SLMAP: variants seen among roughly 807,000 people sequenced by gnomAD.
SLMAP encodes sarcolemmal membrane-associated protein.
A neutral mutation model predicts 128.8 loss-of-function variants in SLMAP; 44 were observed. The observed-to-expected ratio is 0.34, with a 90% CI of 0.27 to 0.44. The LOEUF is 0.44. Among genes scored for constraint, SLMAP ranks in the 20% least tolerant of loss-of-function variants. The pLI is 1.00. For synonymous variants in SLMAP, 327 were observed against 348.8 expected, an observed-to-expected ratio of 0.94 and a Z score of 0.70; for missense variants, 787 against 985.3, an observed-to-expected ratio of 0.80 and a Z score of 2.69.
At chr3:57,788,832 C>A (rs17058538) in intron 2 of SLMAP, among the ~76,000 whole-genome samples, 21,315 of 151,984 alleles carry the variant, frequency 0.14, 1,565 homozygotes, top group South Asian at 0.22. Flanking sequence ...GGAAGCTCGC[C>A]GGCAGTTGGT....
At chr3:57,808,001 G>A (rs2090217217) in intron 2 of SLMAP, among the ~76,000 whole-genome samples, 2 of 152,078 alleles carry the variant, frequency 1.3e-5, no homozygotes, top group African/African-American at 2.4e-5. Flanking sequence ...AGTCTTGGGA[G>A]GGTGTATGTG....
chr3:57,827,607 G>A (rs550620635), intron 2 of SLMAP, among the ~76,000 whole-genome samples: 1 of 152,338 alleles, frequency 6.6e-6, no homozygotes, highest in Non-Finnish European at 1.5e-5. Context: ...TTCACCTTAA[G>A]CCACACAGGG....
chr3:57,913,422 A>G (rs2096740180), intron 21 of SLMAP, 147 bp downstream of exon 21: 3 of 500,862 alleles, frequency 6.0e-6, no homozygotes, highest in Non-Finnish European at 1.1e-5. Context: ...GGTTAACCAT[A>G]CTGAATAAAT....
At chr3:57,762,669 G>A (rs189636504) in intron 2 of SLMAP, among the ~76,000 whole-genome samples, 11 of 151,248 alleles carry the variant, frequency 7.3e-5, no homozygotes, top group Admixed American at 5.3e-4. Flanking sequence ...CATCCTTTTC[G>A]GAAGTCAAGC....
Position 57,757,420 on chromosome 3 carries a change from C to T in SLMAP, c.-232C>T. ...TGGACTGAAAGCTGCCAGTTGGGGA[C>T]TTTTTGTGATCACGGCGTTGCAGCG... On this transcript the variant is annotated 5_prime_UTR_variant, in exon 2 of 25. Coordinates refer to ENST00000671191, the MANE Select transcript of SLMAP (RefSeq NM_001377540.1). The T allele has an allele frequency of 1.7e-6, 1 of 574,340 alleles. No individual in the cohort carries two copies. The highest frequency in any genetic ancestry group is 3.1e-6 in the Non-Finnish European group (1 of 321,168). 35.6% of individuals were successfully genotyped at this position (574,340 alleles called of 1,614,324 possible). A position where few individuals can be genotyped will look rare whatever the true frequency, so the allele number is the denominator to read the frequency against.
intron 2 of SLMAP, among the ~76,000 whole-genome samples, chr3:57,791,083 C>T (rs184879924): frequency 4.5e-4 from 68 of 152,090 alleles, no homozygotes; most frequent in African/African-American, 1.1e-3. Context: ...TGGATGGACG[C>T]GTTGGCTTAC....
At chr3:57,847,347 A>ACATATTTT in intron 5 of SLMAP, 114 bp downstream of exon 5, 1 of 738,970 alleles carries the variant, frequency 1.4e-6, no homozygotes, top group Admixed American at 2.2e-5. Flanking sequence ...CAAAATATGT[A>ACATATTTT]GAATGCATAT....
chr3:57,860,255 C>T (rs1172445257), intron 8 of SLMAP, among the ~76,000 whole-genome samples: 1 of 152,170 alleles, frequency 6.6e-6, no homozygotes. Flanking sequence ...CAAGATGTTT[C>T]AGGCTCATTT....
intron 2 of SLMAP, among the ~76,000 whole-genome samples, chr3:57,762,261 G>A (rs1164063044): frequency 1.3e-5 from 2 of 151,588 alleles, no homozygotes; most frequent in East Asian, 2.0e-4. Context: ...CCAGCTACTC[G>A]GGAAGGCTGA....
chr3:57,918,293 A>AGATT (rs1205683491), intron 22 of SLMAP: 2 of 152,170 alleles, frequency 1.3e-5, no homozygotes, highest in East Asian at 3.8e-4. Context: ...TGTGGTTGGA[A>AGATT]GATTATTCTG....
intron 14 of SLMAP, among the ~76,000 whole-genome samples, chr3:57,881,436 G>A (rs1174455946): frequency 6.6e-6 from 1 of 152,094 alleles, no homozygotes; most frequent in Non-Finnish European, 1.5e-5. Flanking sequence ...AGTGGTTACA[G>A]ACTGTTTTAA....
At chr3:57,850,784 C>G (rs778242531) in intron 6 of SLMAP, among the ~76,000 whole-genome samples, 1 of 152,138 alleles carries the variant, frequency 6.6e-6, no homozygotes, top group Non-Finnish European at 1.5e-5. Context: ...CAGGCATCCA[C>G]CACCCACAGC....
At chr3:57,869,660 A>ATATATATATATATATAAT (rs1553900183) in intron 13 of SLMAP, among the ~76,000 whole-genome samples, 6 of 81,366 alleles carry the variant, frequency 7.4e-5, no homozygotes, top group East Asian at 1.3e-3. Context: ...ATATATATAT[A>ATATATATATATATATAAT]ATATATATAA....
rs571086862 is a variant in SLMAP at position 57,848,989 on chromosome 3, G to A, written c.457-765G>A. ...CTCCCAAAGTGCTGGGATTACAGGC[G>A]TGAGCCACCGTACCTGGCCCTTCTT... On this transcript the variant is annotated intron_variant, in intron 5 of 24. Transcript: ENST00000671191. Among the ~76,000 whole-genome samples, 33 of 150,550 alleles carry A rather than the reference G, an allele frequency of 2.2e-4. 1 individual carries two copies. Among genetic ancestry groups the A allele is most frequent in the South Asian group, 1.1e-3 (5 of 4,760 alleles).
At chr3:57,920,314 G>T (rs1247566623) in intron 22 of SLMAP, among the ~76,000 whole-genome samples, 1 of 152,156 alleles carries the variant, frequency 6.6e-6, no homozygotes, top group Non-Finnish European at 1.5e-5. Context: ...ATCCAGGCTT[G>T]TTGTGGGAAT....
Position 57,864,865 on chromosome 3 carries a change from G to A in SLMAP, c.1186+8G>A. On this transcript the variant is annotated splice_region_variant and intron_variant, in intron 12 of 24. Transcript: ENST00000671191. Reference sequence around the variant, plus strand: ...AAGAATGCAGCAGCTTGGGTAGGTGGCATCCATATTTCTTACTTAAACCTG... The same window carrying A: ...AAGAATGCAGCAGCTTGGGTAGGTGACATCCATATTTCTTACTTAAACCTG... 3 of 1,560,256 alleles carry A rather than the reference G, an allele frequency of 1.9e-6. No homozygotes were observed. The highest frequency in any genetic ancestry group is 1.2e-5 in the South Asian group (1 of 85,194).
chr3:57,914,646 G>A (rs942794432), intron 21 of SLMAP, among the ~76,000 whole-genome samples: 7 of 151,572 alleles, frequency 4.6e-5, no homozygotes, highest in South Asian at 2.1e-4. Context: ...TCAGTGGCGC[G>A]ATCTCAGCTC....
chr3:57,858,297 G>A (rs917572029), intron 8 of SLMAP, 138 bp downstream of exon 8: 34 of 614,006 alleles, frequency 5.5e-5, no homozygotes, highest in Admixed American at 2.4e-4. Context: ...GCTGAGAAAC[G>A]TCAGACATCC....
intron 17 of SLMAP, among the ~76,000 whole-genome samples, chr3:57,906,332 T>TTTTTTTTTTTTTTTTTTTTTTTTTTTTTC (rs1491216777): frequency 2.2e-5 from 3 of 136,954 alleles, no homozygotes; most frequent in East Asian, 2.2e-4. Context: ...TTTTTTTTTT[T>TTTTTTTTTTTTTTTTTTTTTTTTTTTTTC]AGAGACACAG....
Sources: allele counts gnomAD v4.1 joint callset (sites outside exome capture counted in the v4.1 genomes callset), GRCh38; gene constraint gnomAD v4.1.1; transcripts MANE v1.5; gene names NCBI Gene and HGNC (gene_info 2026-07-23, HGNC 2026-07-21).